Variants in CACNA1A observed in about 807,000 individuals in gnomAD.
CACNA1A encodes the protein voltage-dependent P/Q-type calcium channel subunit alpha-1A.
In CACNA1A, 57 loss-of-function variants were observed where a neutral mutation model predicts 262.4. The observed-to-expected ratio is 0.22, with a 90% CI of 0.18 to 0.27. The LOEUF (loss-of-function observed/expected upper bound fraction) is 0.27. Among genes scored for constraint, CACNA1A ranks in the 10% least tolerant of loss-of-function variants. The pLI is 1.00. For missense variants in CACNA1A, 2,526 were observed against 3,562.8 expected (o/e 0.71, Z 7.41); for synonymous variants, 1,431 against 1,419.3 (o/e 1.01, Z -0.18).
At chr19:13,353,256 C>T (rs1020023236) in intron 6 of CACNA1A, among the ~76,000 whole-genome samples, 1 of 150,848 alleles carries the variant, frequency 6.6e-6, no homozygotes, top group African/African-American at 2.4e-5. Context: ...GTAGCTGGGA[C>T]TACAGATGTA....
At chr19:13,235,816 G>A (rs2055854173) in intron 31 of CACNA1A, 86 bp from the exon 32 acceptor site, 2 of 890,042 alleles carry the variant, frequency 2.2e-6, no homozygotes, top group South Asian at 1.5e-5. Flanking sequence ...CCTACATGAA[G>A]CCAACCAACA....
At chr19:13,402,751 T>C (rs1022274151) in intron 3 of CACNA1A, among the ~76,000 whole-genome samples, 6 of 143,344 alleles carry the variant, frequency 4.2e-5, no homozygotes, top group African/African-American at 1.5e-4. Flanking sequence ...TACACATATA[T>C]ATACACACAT....
At position 13,228,784 on chromosome 19, in the gene CACNA1A, T is replaced by C. The variant is rs2144616863; in HGVS notation, c.5529-1257A>G. The stretch of plus-strand genomic sequence containing the variant: ...TAATAAACTGTACATATCCTTATAA[T>C]GAATCCGACCGCTGAAAGGAGAAGA... On this transcript the variant is annotated intron_variant, in intron 36 of 46. Transcript: ENST00000360228. The C allele has an allele frequency of 6.3e-7, 1 of 1,589,728 alleles. No homozygotes were observed. The highest frequency in any genetic ancestry group is 8.6e-7 in the Non-Finnish European group (1 of 1,166,092).
chr19:13,277,016 A>T, intron 23 of CACNA1A, 53 bp downstream of exon 23: 1 of 1,226,656 alleles, frequency 8.2e-7, no homozygotes, highest in Non-Finnish European at 1.2e-6. Flanking sequence ...CCAGCCCTGC[A>T]CTTGCTTAAA....
At chr19:13,216,647 TTATC>T (rs71168686) in intron 38 of CACNA1A, among the ~76,000 whole-genome samples, 9,228 of 149,118 alleles carry the variant, frequency 0.062, 320 homozygotes, top group Non-Finnish European at 0.074. Flanking sequence ...TTTTAAAAAT[TTATC>T]TATCTATCTA....
intron 3 of CACNA1A, among the ~76,000 whole-genome samples, chr19:13,428,036 A>C (rs2060437800): frequency 6.6e-6 from 1 of 151,992 alleles, no homozygotes; most frequent in Non-Finnish European, 1.5e-5. Flanking sequence ...GGTTCAAGCG[A>C]TTCTCCTACC....
At chr19:13,465,570 G>A (rs779150725) in intron 1 of CACNA1A, among the ~76,000 whole-genome samples, 19 of 151,824 alleles carry the variant, frequency 1.3e-4, no homozygotes, top group African/African-American at 1.7e-4. Context: ...CTGCAGCCTC[G>A]GCCTCCTGGG....
At chr19:13,213,423 A>G (rs888072027) in intron 40 of CACNA1A, among the ~76,000 whole-genome samples, 1 of 151,864 alleles carries the variant, frequency 6.6e-6, no homozygotes, top group African/African-American at 2.4e-5. Context: ...TATCTTCTGG[A>G]TTCTTCTCCA....
At chr19:13,380,374 G>A (rs1271534722) in intron 3 of CACNA1A, among the ~76,000 whole-genome samples, 2 of 150,630 alleles carry the variant, frequency 1.3e-5, no homozygotes, top group Non-Finnish European at 3.0e-5. Context: ...AGCCAGGCGC[G>A]GTGGCTCATG....
In CACNA1A at chr19:13,506,186, CCCGTAGCGGGCCGGCATCTCGTCT is replaced by C; in HGVS notation, c.15_38del (p.Asp6_Gly13del). The C allele has an allele frequency of 8.0e-6, 12 of 1,508,718 alleles. No individual in the cohort carries two copies. The highest frequency in any genetic ancestry group is 1.1e-5 in the Non-Finnish European group (12 of 1,132,682). 93.5% of individuals were successfully genotyped at this position (1,508,718 alleles called of 1,614,324 possible). A position where few individuals can be genotyped will look rare whatever the true frequency, so the allele number is the denominator to read the frequency against. ...CGGCGGCTGCCCCGGAGCCTCCTCC[CCCGTAGCGGGCCGGCATCTCGTCT>C]CCGAAGCGGGCCATTCTGCAAAGAG... On this transcript the variant is annotated inframe_deletion, in exon 1 of 47. Coordinates refer to ENST00000360228, the MANE Select transcript of CACNA1A (RefSeq NM_001127222.2).
intron 38 of CACNA1A, among the ~76,000 whole-genome samples, chr19:13,222,699 CT>C (rs536350776): frequency 0.082 from 11,638 of 142,536 alleles, 504 homozygotes; most frequent in South Asian, 0.099. Flanking sequence ...CCGGCCTCAG[CT>C]TTTTTTTTTT....
At chr19:13,314,870 T>A (rs755707514) in intron 11 of CACNA1A, among the ~76,000 whole-genome samples, 1 of 152,170 alleles carries the variant, frequency 6.6e-6, no homozygotes, top group Non-Finnish European at 1.5e-5. Context: ...ACTCTAGGGT[T>A]CCTAGGACCA....
intron 1 of CACNA1A, among the ~76,000 whole-genome samples, chr19:13,496,067 TCCA>T (rs1981484654): frequency 6.8e-6 from 1 of 147,684 alleles, no homozygotes; most frequent in Non-Finnish European, 1.5e-5. Context: ...CATCCATCCA[TCCA>T]TCCATCCATC....
intron 3 of CACNA1A, among the ~76,000 whole-genome samples, chr19:13,405,608 T>C (rs1322228676): frequency 3.9e-5 from 6 of 152,178 alleles, no homozygotes; most frequent in Non-Finnish European, 7.3e-5. Flanking sequence ...GTCAATTATT[T>C]CAATAAATCC....
At chr19:13,394,612 C>G (rs749898928) in intron 3 of CACNA1A, among the ~76,000 whole-genome samples, 32 of 152,276 alleles carry the variant, frequency 2.1e-4, no homozygotes, top group Non-Finnish European at 1.9e-4. Context: ...GACCATTTCC[C>G]CACAAGGCAA....
chr19:13,295,466 G>A (rs945255581), intron 19 of CACNA1A, among the ~76,000 whole-genome samples: 1 of 149,988 alleles, frequency 6.7e-6, no homozygotes, highest in African/African-American at 2.4e-5. Flanking sequence ...TAGTTTGCTT[G>A]TTTGTTTGGG....
chr19:13,313,175 C>T, intron 11 of CACNA1A, among the ~76,000 whole-genome samples: 1 of 152,008 alleles, frequency 6.6e-6, no homozygotes, highest in East Asian at 1.9e-4. Context: ...TCCAAGGTGT[C>T]CTTCCCATGG....
intron 5 of CACNA1A, among the ~76,000 whole-genome samples, chr19:13,361,413 A>G (rs1241740205): frequency 6.6e-6 from 1 of 152,146 alleles, no homozygotes. Flanking sequence ...TCCTCATTTT[A>G]CCAGCACAGC....
intron 3 of CACNA1A, among the ~76,000 whole-genome samples, chr19:13,438,196 C>T (rs1009888825): frequency 6.6e-6 from 1 of 152,162 alleles, no homozygotes; most frequent in South Asian, 2.1e-4. Context: ...GGAAAGGAAT[C>T]TGAAAATATG....
Sources: allele counts gnomAD v4.1 joint callset (sites outside exome capture counted in the v4.1 genomes callset), GRCh38; gene constraint gnomAD v4.1.1; transcripts MANE v1.5; gene names NCBI Gene and HGNC (gene_info 2026-07-23, HGNC 2026-07-21).